Variants in FARP2 observed in about 807,000 individuals in gnomAD.
FARP2 encodes FERM, ARH/RhoGEF and pleckstrin domain protein 2.
FARP2 carries 111 observed loss-of-function variants against 130.5 expected under a neutral mutation model. The ratio of observed to expected loss-of-function variants is 0.85; its 90% CI spans 0.73 to 1.00. The LOEUF is 1.00. Ranked by LOEUF, FARP2 falls within the 50% of genes least tolerant of loss-of-function variation. The pLI, the probability that FARP2 is intolerant of heterozygous loss-of-function variation, is 0.00. For missense variants in FARP2, 1,385 were observed against 1,346.3 expected, an observed-to-expected ratio of 1.03 and a Z score of -0.45; for synonymous variants, 504 against 516.9, an observed-to-expected ratio of 0.98 and a Z score of 0.34.
intron 18 of FARP2, among the ~76,000 whole-genome samples, chr2:241,473,935 ATC>A (rs2064383038): frequency 6.6e-6 from 1 of 152,130 alleles, no homozygotes; most frequent in Admixed American, 6.6e-5. Flanking sequence ...GTCAATGATG[ATC>A]TCTTCACCTA....
At chr2:241,450,666 AG>A (rs2150437237) in intron 13 of FARP2, among the ~76,000 whole-genome samples, 1 of 147,986 alleles carries the variant, frequency 6.8e-6, no homozygotes, top group Non-Finnish European at 1.5e-5. Flanking sequence ...AGCGAGACTC[AG>A]TCTCAAAAAA....
At chr2:241,412,822 G>A (rs2062555465) in intron 6 of FARP2, among the ~76,000 whole-genome samples, 1 of 152,160 alleles carries the variant, frequency 6.6e-6, no homozygotes, top group Non-Finnish European at 1.5e-5. Context: ...AAGTCCAGGA[G>A]TTTGAGACCA....
chr2:241,493,597 G>GTTTTTT, intron 26 of FARP2, 153 bp downstream of exon 26: 2 of 559,586 alleles, frequency 3.6e-6, no homozygotes, highest in East Asian at 3.1e-5. Flanking sequence ...GCAATGCTTT[G>GTTTTTT]TTTTTTTTTT....
At chr2:241,472,364 T>C (rs970286419) in intron 18 of FARP2, among the ~76,000 whole-genome samples, 1 of 150,210 alleles carries the variant, frequency 6.7e-6, no homozygotes, top group African/African-American at 2.5e-5. Flanking sequence ...GATTCTGTTA[T>C]GTGGGGGATG....
At chr2:241,491,443 C>A in intron 23 of FARP2, 73 bp from the exon 24 acceptor site, 1 of 1,550,960 alleles carries the variant, frequency 6.4e-7, no homozygotes. Flanking sequence ...CGAGAGGAAC[C>A]CAAGGGGTGG....
intron 23 of FARP2, 90 bp downstream of exon 23, chr2:241,491,269 G>A (rs771065012): frequency 4.2e-5 from 42 of 998,212 alleles, no homozygotes; most frequent in Middle Eastern, 2.1e-4. Context: ...CCATTGGCCC[G>A]CTAAGTTCCC....
Position 241,364,128 on chromosome 2 carries a change from A to G in FARP2, c.-25+7740A>G, listed in dbSNP as rs564869557. ...TAGATTATCCAGGTGGGCCTTAGGT[A>G]ATTATATGAGCCTTTAAAAGCAGGG... On this transcript the variant is annotated intron_variant, in intron 1 of 26. Coordinates refer to ENST00000264042, the MANE Select transcript of FARP2 (RefSeq NM_014808.4). 2.0e-5 allele frequency among the ~76,000 whole-genome samples: 3 copies of G among 152,336 alleles called. No homozygotes were observed. The South Asian group carries it at 6.2e-4, about 32-fold the overall frequency.
At chr2:241,451,797 C>T (rs3771578) in intron 13 of FARP2, among the ~76,000 whole-genome samples, 32,243 of 152,060 alleles carry the variant, frequency 0.21, 3,818 homozygotes, top group Non-Finnish European at 0.26. Context: ...CTCTGTTCCC[C>T]AGGCTGGAGT....
At chr2:241,451,894 A>G (rs2063668389) in intron 13 of FARP2, among the ~76,000 whole-genome samples, 1 of 152,100 alleles carries the variant, frequency 6.6e-6, no homozygotes, top group African/African-American at 2.4e-5. Context: ...AGCTAGAATT[A>G]CAGGCATGCA....
rs1019352730 is a variant in FARP2, at chr2:241,436,621, A to T, written c.1158+83A>T. On this transcript the variant is annotated intron_variant, in intron 12 of 26. Coordinates refer to ENST00000264042, the MANE Select transcript of FARP2 (RefSeq NM_014808.4). ...AATAGTCTGTCAGTATTGTAACAAG[A>T]GTCTTAAAATTAATCATATTATTTA... The T allele has an allele frequency of 5.4e-6, 6 of 1,108,820 alleles. No individual in the cohort carries two copies. In the African/African-American group the frequency reaches 9.3e-5, roughly 17 times the overall value. The allele number at this position is 1,108,820 out of a possible 1,614,324, so 68.7% of individuals were successfully genotyped here.
At chr2:241,406,351 GTC>G (rs1185845636) in intron 4 of FARP2, among the ~76,000 whole-genome samples, 2 of 149,652 alleles carry the variant, frequency 1.3e-5, no homozygotes, top group East Asian at 1.9e-4. Context: ...GGGAAAAAAT[GTC>G]TCTCTCTCTC....
chr2:241,466,555 T>G, intron 17 of FARP2: 1 of 985,358 alleles, frequency 1.0e-6, no homozygotes, highest in Non-Finnish European at 1.2e-6. Flanking sequence ...CTTGGCCACT[T>G]CCACCTCCCG....
chr2:241,397,760 G>A (rs912699308), intron 2 of FARP2, among the ~76,000 whole-genome samples: 17 of 151,576 alleles, frequency 1.1e-4, no homozygotes, highest in Non-Finnish European at 2.5e-4. Context: ...AGAGACTTTT[G>A]TAGAGAGGAT....
intron 1 of FARP2, among the ~76,000 whole-genome samples, chr2:241,362,735 C>T (rs187398119): frequency 6.6e-6 from 1 of 152,294 alleles, no homozygotes; most frequent in East Asian, 1.9e-4. Flanking sequence ...TAGCCCCTAT[C>T]AGTTAAGACT....
chr2:241,465,763 G>T, intron 17 of FARP2: 1 of 1,550,634 alleles, frequency 6.4e-7, no homozygotes, highest in Non-Finnish European at 8.7e-7. Context: ...GACGACTCAA[G>T]CTCCCCCTCC....
Position 241,493,045 on chromosome 2 carries a change from GT to G in FARP2, c.2895+12del, listed in dbSNP as rs1193429714. On this transcript the variant is annotated intron_variant, in intron 25 of 26. Coordinates refer to ENST00000264042, the MANE Select transcript of FARP2 (RefSeq NM_014808.4). ...TCTACAAAACTCATCAGGTACTGGA[GT>G]TTCACTGGAGCCCAATGCAGGTGAT... The G allele has an allele frequency of 6.8e-7, 1 of 1,470,072 alleles. No individual in the cohort carries two copies. Among genetic ancestry groups the G allele is most frequent in the Non-Finnish European group, 9.5e-7 (1 of 1,048,364 alleles). 91.1% of individuals were successfully genotyped at this position (1,470,072 alleles called of 1,614,324 possible).
chr2:241,362,583 CAG>C (rs1164824649), intron 1 of FARP2, among the ~76,000 whole-genome samples: 1 of 152,044 alleles, frequency 6.6e-6, no homozygotes. Flanking sequence ...GCCTGGGTGA[CAG>C]AGCAAGACTC....
At chr2:241,363,004 A>G (rs1355477176) in intron 1 of FARP2, among the ~76,000 whole-genome samples, 1 of 152,250 alleles carries the variant, frequency 6.6e-6, no homozygotes, top group Non-Finnish European at 1.5e-5. Flanking sequence ...TAAGACCTGG[A>G]CATGTGCATG....
In FARP2 at chr2:241,490,007, A is replaced by G. The variant is rs2064854030; in HGVS notation, c.2467A>G (p.Ile823Val). ...GTGGTCTGTTCCACACTGTTTCACC[A>G]TCTACGCGGCTCAGAAAACAATCGT... The part of the protein sequence containing the change: ...NEWSVPHCFT[I>V]YAAQKTIVVA... Residue 823 changes from isoleucine to valine, a missense_variant, in exon 22 of 27, where the codon ATC becomes GTC. Physicochemically the swap from Ile to Val is conservative, Grantham distance 29. Transcript: ENST00000264042. The G allele has an allele frequency of 1.9e-6, 3 of 1,614,028 alleles. No homozygotes were observed. The highest frequency in any genetic ancestry group is 1.7e-6 in the Non-Finnish European group (2 of 1,179,886).
Sources: allele counts gnomAD v4.1 joint callset (sites outside exome capture counted in the v4.1 genomes callset), GRCh38; gene constraint gnomAD v4.1.1; transcripts MANE v1.5; gene names NCBI Gene and HGNC (gene_info 2026-07-23, HGNC 2026-07-21).